Variants in NYNRIN observed in about 807,000 individuals in gnomAD.
NYNRIN encodes the protein NYN domain and retroviral integrase containing, also known as protein NYNRIN.
NYNRIN carries 86 observed loss-of-function variants against 146.6 expected under a neutral mutation model. The ratio of observed to expected loss-of-function variants is 0.59; its 90% confidence interval spans 0.49 to 0.70. The LOEUF (loss-of-function observed/expected upper bound fraction) is 0.70, where lower values mean the gene tolerates loss of function less well. Among genes scored for constraint, NYNRIN ranks in the 30% least tolerant of loss-of-function variants. NYNRIN has a pLI of 0.00. For synonymous variants in NYNRIN, 1,027 were observed against 1,001.3 expected (o/e 1.03, Z -0.48); for missense variants, 2,191 against 2,377.7 (o/e 0.92, Z 1.63).
rs1053355797 is a variant in NYNRIN at position 24,416,135 on chromosome 14, G to A, written c.4386G>A (p.Val1462=). The A allele has an allele frequency of 2.5e-6, 4 of 1,613,880 alleles. No homozygotes were observed. In the African/African-American group the frequency reaches 5.3e-5, roughly 22 times the overall value. ...GGQWWSLPKD[V]PAPTVSPHAM... is the part of the protein sequence containing the mutation. Reference sequence around the variant, plus strand: ...AGTGGTGGAGTTTGCCAAAGGATGTGCCAGCCCCTACAGTGAGTCCCCATG... The same window carrying A: ...AGTGGTGGAGTTTGCCAAAGGATGTACCAGCCCCTACAGTGAGTCCCCATG... The change falls in exon 9 of 9, where the codon GTG becomes GTA. Residue 1462 remains valine, a synonymous_variant. Transcript: ENST00000382554.
Position 24,410,951 on chromosome 14 carries a change from A to G in NYNRIN, c.2415-125A>G, listed in dbSNP as rs55818125. On this transcript the variant is annotated intron_variant, in intron 4 of 8. Coordinates refer to ENST00000382554, the MANE Select transcript of NYNRIN (RefSeq NM_025081.3). Reference sequence around the variant, plus strand: ...GTAGGTGCTCACAGAATGTCTGAGTATGGAGGGAAGGGGAGAGGGCATCAT... The same window carrying G: ...GTAGGTGCTCACAGAATGTCTGAGTGTGGAGGGAAGGGGAGAGGGCATCAT... 3.8e-3 allele frequency: 4,440 copies of G among 1,165,340 alleles called. 120 individuals carry two copies. In the African/African-American group the frequency reaches 0.06, roughly 16 times the overall value. 72.2% of individuals were successfully genotyped at this position (1,165,340 alleles called of 1,614,324 possible). A position where few individuals can be genotyped will look rare whatever the true frequency, so the allele number is the denominator to read the frequency against.
intron 2 of NYNRIN, 110 bp downstream of exon 2, chr14:24,399,554 G>T: frequency 1.0e-6 from 1 of 1,001,776 alleles, no homozygotes; most frequent in Non-Finnish European, 1.5e-6. Flanking sequence ...GCCCCCGCCT[G>T]GATTTGGCAG....
At chr14:24,410,612 T>C (rs1535338) in intron 4 of NYNRIN, among the ~76,000 whole-genome samples, 144,446 of 152,300 alleles carry the variant, frequency 0.95, 68,626 homozygotes, top group Middle Eastern at 0.97. Flanking sequence ...TTTTCCTGAC[T>C]CTGCTGGCCC....
At position 24,407,855 on chromosome 14, in the gene NYNRIN, C is replaced by T. The variant is rs1419704313; in HGVS notation, c.199-14C>T. 3 of 1,584,500 alleles carry T rather than the reference C, an allele frequency of 1.9e-6. No individual in the cohort carries two copies. The highest frequency in any genetic ancestry group is 1.7e-4 in the Middle Eastern group (1 of 5,898). ...AACGGGCTGACTTCATTGTGTTCTC[C>T]CCATTGTGCCCAGGAATACCTGAAG... On this transcript the variant is annotated splice_polypyrimidine_tract_variant and intron_variant, in intron 2 of 8. Coordinates refer to ENST00000382554, the MANE Select transcript of NYNRIN (RefSeq NM_025081.3).
In NYNRIN at chr14:24,410,024, C is replaced by G. The variant is rs747870883; in HGVS notation, c.2230C>G (p.Leu744Val). The change falls in exon 4 of 9, where the codon CTC becomes GTC. Residue 744 changes from leucine (L) to valine (V), a missense_variant. Physicochemically the swap from Leu to Val is conservative, Grantham distance 32. Coordinates refer to ENST00000382554, the MANE Select transcript of NYNRIN (RefSeq NM_025081.3). ...TAAGCACCAGTTTCAGATGGAGGGG[C>G]TCCTGGGGGCTTGGGAGGGGGCCCC... ...SSKHQFQMEGLLGAWEGAPRQ... is the reference protein window; with the variant it reads ...SSKHQFQMEGVLGAWEGAPRQ... 2.5e-6 allele frequency: 4 copies of G among 1,613,714 alleles called. No homozygotes were observed. Among genetic ancestry groups the G allele is most frequent in the Non-Finnish European group, 3.4e-6 (4 of 1,179,834 alleles).
chr14:24,418,067 A>G lies in NYNRIN; in HGVS notation c.*621A>G. 2.9e-6 allele frequency: 1 copy of G among 343,124 alleles called. No individual in the cohort carries two copies. Among genetic ancestry groups the G allele is most frequent in the Non-Finnish European group, 5.7e-6 (1 of 174,606 alleles). The allele number at this position is 343,124 out of a possible 1,614,324, so 21.3% of individuals were successfully genotyped here. A position where few individuals can be genotyped will look rare whatever the true frequency, so the allele number is the denominator to read the frequency against. On this transcript the variant is annotated 3_prime_UTR_variant, in exon 9 of 9. Transcript: ENST00000382554. ...GGGCTGGCCATCCTCCCAGGCCTCA[A>G]GGGCAGTGTCTTGGAGTGGGAGGAT...
chr14:24,418,457 T>A lies in NYNRIN; in HGVS notation c.*1011T>A, dbSNP rs1375692904. On this transcript the variant is annotated 3_prime_UTR_variant, in exon 9 of 9. Coordinates refer to ENST00000382554, the MANE Select transcript of NYNRIN (RefSeq NM_025081.3). ...ATCCCAGACCCTACAGATTGTGTGATTGCTTCATCTGTATCACCCCCCGAG... is the reference window on the plus strand; with the variant it reads ...ATCCCAGACCCTACAGATTGTGTGAATGCTTCATCTGTATCACCCCCCGAG... 2.9e-6 allele frequency: 1 copy of A among 349,488 alleles called. No homozygotes were observed. The highest frequency in any genetic ancestry group is 5.7e-6 in the Non-Finnish European group (1 of 176,274). The allele number at this position is 349,488 out of a possible 1,614,324, so 21.6% of individuals were successfully genotyped here.
rs2042925376 is a variant in NYNRIN at position 24,413,416 on chromosome 14, A to G, written c.2845A>G (p.Arg949Gly). The G allele has an allele frequency of 6.2e-7, 1 of 1,606,266 alleles. No homozygotes were observed. The highest frequency in any genetic ancestry group is 1.1e-5 in the South Asian group (1 of 89,940). Residue 949 changes from arginine (R) to glycine (G), a missense_variant and splice_region_variant, in exon 8 of 9, where the codon AGG becomes GGG. Transcript: ENST00000382554. ...TLDEFLKKPN[R>G]LDTDIGNFLK... ...GGATGAGTTTCTGAAGAAGCCAAAC[A>G]GGTAATAGGTCAGACCTCCCCAGCC...
rs10148781 is a variant in NYNRIN, at chr14:24,408,009, C to T, written c.339C>T (p.Gly113=). Residue 113 remains glycine, a synonymous_variant, in exon 3 of 9, where the codon GGC becomes GGT. Transcript: ENST00000382554. The part of the protein sequence containing the change: ...CWSTLAYLVP[G]PPGSLMVGGL... The stretch of plus-strand genomic sequence containing the variant: ...GCACCCTTGCCTACCTGGTGCCTGG[C>T]CCCCCTGGCTCCCTGATGGTGGGCG... 5.3e-4 allele frequency: 854 copies of T among 1,613,878 alleles called. 5 individuals carry two copies. The African/African-American group carries it at 0.01, about 19-fold the overall frequency.
Position 24,417,821 on chromosome 14 carries a change from A to G in NYNRIN, c.*375A>G, listed in dbSNP as rs2042959254. 2 of 209,846 alleles carry G rather than the reference A, an allele frequency of 9.5e-6. No individual in the cohort carries two copies. Among genetic ancestry groups the G allele is most frequent in the East Asian group, 1.3e-4 (1 of 7,518 alleles). 13.0% of individuals were successfully genotyped at this position (209,846 alleles called of 1,614,324 possible). ...ACTCACGAAAGAATCTATCTTGGCC[A>G]TGAAACTGTGGCTGTTGACCTTGGA... On this transcript the variant is annotated 3_prime_UTR_variant, in exon 9 of 9. Coordinates refer to ENST00000382554, the MANE Select transcript of NYNRIN (RefSeq NM_025081.3).
In NYNRIN at chr14:24,415,825, C is replaced by G. The variant is rs748243389; in HGVS notation, c.4076C>G (p.Ala1359Gly). Residue 1359 changes from alanine to glycine, a missense_variant, in exon 9 of 9, where the codon GCC (alanine) becomes GGC (glycine). By Grantham distance (60) the Ala-to-Gly change is moderately conservative. Coordinates refer to ENST00000382554, the MANE Select transcript of NYNRIN (RefSeq NM_025081.3). ...ACCTATGCCCACCTGGCAGCCGTGG[C>G]CTGCGGCCTGGAGCGCTTTGGCCAG... ...TPTYAHLAAV[A>G]CGLERFGQSP... 1 of 1,613,952 alleles carries G rather than the reference C, an allele frequency of 6.2e-7. No individual in the cohort carries two copies. The highest frequency in any genetic ancestry group is 8.5e-7 in the Non-Finnish European group (1 of 1,179,884).
At chr14:24,402,570 GAGAGTTGGT>G (rs2042851286) in intron 2 of NYNRIN, among the ~76,000 whole-genome samples, 2 of 152,304 alleles carry the variant, frequency 1.3e-5, no homozygotes, top group South Asian at 4.1e-4. Flanking sequence ...GCAGTACCCT[GAGAGTTGGT>G]TGCGGTCAGT....
chr14:24,415,563 T>C lies in NYNRIN; in HGVS notation c.3814T>C (p.Leu1272=), dbSNP rs561442020. The C allele has an allele frequency of 1.8e-5, 29 of 1,613,902 alleles. No individual in the cohort carries two copies. The highest frequency in any genetic ancestry group is 1.5e-5 in the Non-Finnish European group (18 of 1,179,838). The change falls in exon 9 of 9, where the codon TTG becomes CTG. Residue 1272 remains leucine (L), a synonymous_variant. Transcript: ENST00000382554. ...VQDKGKRALE[L]ALLQGLLGEN... ...GGACAAAGGCAAGAGGGCCCTGGAA[T>C]TGGCCCTCCTCCAGGGCCTGCTGGG...
chr14:24,413,225 G>C, intron 7 of NYNRIN, 91 bp from the exon 8 acceptor site: 3 of 1,379,340 alleles, frequency 2.2e-6, no homozygotes, highest in Non-Finnish European at 3.0e-6. Context: ...CCAGGATGTG[G>C]GTCTCAGCGC....
intron 2 of NYNRIN, among the ~76,000 whole-genome samples, chr14:24,403,869 A>G (rs1333532860): frequency 6.6e-6 from 1 of 152,226 alleles, no homozygotes; most frequent in Non-Finnish European, 1.5e-5. Flanking sequence ...CTTGGCTGAT[A>G]TTGAATTATA....
In NYNRIN at chr14:24,408,262, G is replaced by A. The variant is rs202195057; in HGVS notation, c.592G>A (p.Gly198Ser). 185 of 1,610,622 alleles carry A rather than the reference G, an allele frequency of 1.1e-4. No individual in the cohort carries two copies. The highest frequency in any genetic ancestry group is 1.4e-4 in the Non-Finnish European group (168 of 1,179,828). The change falls in exon 3 of 9, where the codon GGC becomes AGC. Residue 198 changes from glycine (G) to serine (S), a missense_variant. Physicochemically the swap from Gly to Ser is moderately conservative, Grantham distance 56. This residue lies in a region of NYNRIN where 895 missense variants were observed against 941.2 expected (regional missense o/e 0.95). Coordinates refer to ENST00000382554, the MANE Select transcript of NYNRIN (RefSeq NM_025081.3). ...LLLSLVRDAA[G>S]KEDIIEWLSR... ...GCTGAGCCTGGTGCGGGATGCTGCG[G>A]GCAAGGAAGACATCATCGAGTGGCT... is the stretch of plus-strand genomic sequence containing the variant.
chr14:24,403,818 G>C (rs2042859881), intron 2 of NYNRIN, among the ~76,000 whole-genome samples: 1 of 152,222 alleles, frequency 6.6e-6, no homozygotes, highest in Admixed American at 6.5e-5. Context: ...TGCTGAGGTT[G>C]CATGTCCACG....
At chr14:24,400,791 T>C (rs1051306226) in intron 2 of NYNRIN, among the ~76,000 whole-genome samples, 7 of 151,490 alleles carry the variant, frequency 4.6e-5, no homozygotes, top group African/African-American at 7.2e-5. Flanking sequence ...TTTTCTTTTT[T>C]TTTTTTTTTT....
Position 24,409,347 on chromosome 14 carries a change from C to T in NYNRIN, c.1553C>T (p.Thr518Ile), listed in dbSNP as rs375391398. The T allele has an allele frequency of 4.6e-5, 74 of 1,613,956 alleles. No individual in the cohort carries two copies. In the Middle Eastern group the frequency reaches 8.2e-4, roughly 18 times the overall value. The part of the protein sequence containing the change: ...LEEGPAPVLP[T>I]GQGKPVAQGG... Reference sequence around the variant, plus strand: ...GAGGGACCCGCTCCAGTGCTGCCAACAGGGCAAGGGAAGCCCGTGGCTCAA... The same window carrying T: ...GAGGGACCCGCTCCAGTGCTGCCAATAGGGCAAGGGAAGCCCGTGGCTCAA... Residue 518 changes from threonine (T) to isoleucine (I), a missense_variant, in exon 4 of 9, where the codon ACA (threonine) becomes ATA (isoleucine). Physicochemically the swap from Thr to Ile is moderately conservative, Grantham distance 89 (BLOSUM62 -1). This residue lies in a region of NYNRIN where 895 missense variants were observed against 941.2 expected (regional missense o/e 0.95). Coordinates refer to ENST00000382554, the MANE Select transcript of NYNRIN (RefSeq NM_025081.3).
Sources: gnomAD v4.1 joint callset for allele counts (sites outside exome capture counted in the v4.1 genomes callset) on GRCh38, gnomAD v4.1.1 for gene constraint, gnomAD v4.1.1 regional missense constraint, MANE v1.5 for transcripts, NCBI Gene and HGNC (gene_info 2026-07-23, HGNC 2026-07-21) for gene names.